PANX2: variants seen among roughly 807,000 people sequenced by gnomAD.
PANX2 encodes pannexin 2.
In PANX2, 30 loss-of-function variants were observed where a neutral mutation model predicts 38.7. The observed-to-expected ratio is 0.78, with a 90% confidence interval of 0.58 to 1.05. The LOEUF (loss-of-function observed/expected upper bound fraction) is 1.05. Ranked by LOEUF, PANX2 falls within the 50% of genes least tolerant of loss-of-function variation. The pLI is 0.00. For synonymous variants in PANX2, 539 were observed against 472.1 expected (o/e 1.14, Z -1.84); for missense variants, 880 against 979.3 (o/e 0.90, Z 1.35).
At position 50,177,477 on chromosome 22, in the gene PANX2, C is replaced by G; in HGVS notation, c.765C>G (p.Asn255Lys). ...CCTACTACGCCACGCAGAAGCAGAA[C>G]GAGTTCACCTGCGCGCTGGGCGCGT... is the stretch of plus-strand genomic sequence containing the variant. ...LCTYYATQKQ[N>K]EFTCALGASP... The change falls in exon 2 of 3, where the codon AAC becomes AAG. Residue 255 changes from asparagine (N) to lysine (K), a missense_variant. Around this residue, in one of 4 missense-constraint regions of PANX2, gnomAD observed 114 missense variants for 108.8 expected, o/e 1.05. Coordinates refer to ENST00000395842, the MANE Select transcript of PANX2 (RefSeq NM_052839.4). 1 of 1,609,128 alleles carries G rather than the reference C, an allele frequency of 6.2e-7. No homozygotes were observed. Among genetic ancestry groups the G allele is most frequent in the South Asian group, 1.1e-5 (1 of 90,688 alleles).
At position 50,179,465 on chromosome 22, in the gene PANX2, G is replaced by A. The variant is rs906827685; in HGVS notation, c.*188G>A. 6.9e-6 allele frequency: 4 copies of A among 582,494 alleles called. No homozygotes were observed. Among genetic ancestry groups the A allele is most frequent in the South Asian group, 2.1e-5 (1 of 47,636 alleles). 36.1% of individuals were successfully genotyped at this position (582,494 alleles called of 1,614,324 possible). A position where few individuals can be genotyped will look rare whatever the true frequency, so the allele number is the denominator to read the frequency against. ...GCTCGACAGGGGAACCCGCCCGGAC[G>A]GCATCGCCAGGCACTGGCTGGGGTG... On this transcript the variant is annotated 3_prime_UTR_variant, in exon 3 of 3. Coordinates refer to ENST00000395842, the MANE Select transcript of PANX2 (RefSeq NM_052839.4).
intron 1 of PANX2, among the ~76,000 whole-genome samples, chr22:50,172,516 G>C (rs184396327): frequency 6.8e-6 from 1 of 146,560 alleles, no homozygotes; most frequent in African/African-American, 2.5e-5. Context: ...TCCACCTCTC[G>C]GGCTCAGGTG....
chr22:50,174,659 C>G (rs2063652630), intron 1 of PANX2, among the ~76,000 whole-genome samples: 1 of 152,226 alleles, frequency 6.6e-6, no homozygotes, highest in Admixed American at 6.5e-5. Flanking sequence ...GGCCTTCCTG[C>G]CTTCCGTTTG....
intron 2 of PANX2, 21 bp downstream of exon 2, chr22:50,178,423 A>AGGGGACG: frequency 8.2e-7 from 1 of 1,226,396 alleles, no homozygotes. Flanking sequence ...GGCCGGAGAG[A>AGGGGACG]GGGGACGGGG....
chr22:50,179,800 C>A lies in PANX2; in HGVS notation c.*523C>A. ...CTCGGGTGGGAGGGACCGAGGTCCACCCTCGGGTCAAAGGTCAACGTGCAC... is the reference window on the plus strand; with the variant it reads ...CTCGGGTGGGAGGGACCGAGGTCCAACCTCGGGTCAAAGGTCAACGTGCAC... On this transcript the variant is annotated 3_prime_UTR_variant, in exon 3 of 3. Transcript: ENST00000395842. The A allele has an allele frequency of 6.3e-6, 1 of 157,910 alleles. No individual in the cohort carries two copies. 9.8% of individuals were successfully genotyped at this position (157,910 alleles called of 1,614,324 possible). A position where few individuals can be genotyped will look rare whatever the true frequency, so the allele number is the denominator to read the frequency against.
In PANX2 at chr22:50,179,568, C is replaced by A; in HGVS notation, c.*291C>A. 1 of 454,912 alleles carries A rather than the reference C, an allele frequency of 2.2e-6. No individual in the cohort carries two copies. The highest frequency in any genetic ancestry group is 2.8e-5 in the South Asian group (1 of 35,870). 28.2% of individuals were successfully genotyped at this position (454,912 alleles called of 1,614,324 possible). A position where few individuals can be genotyped will look rare whatever the true frequency, so the allele number is the denominator to read the frequency against. On this transcript the variant is annotated 3_prime_UTR_variant, in exon 3 of 3. Coordinates refer to ENST00000395842, the MANE Select transcript of PANX2 (RefSeq NM_052839.4). ...CATGCTCCTGCATCAGGTGCCCAGC[C>A]GTGGGTGGGGGCCCTGAGGTGAAGA...
Position 50,179,189 on chromosome 22 carries a change from G to A in PANX2, c.1946G>A (p.Gly649Glu), listed in dbSNP as rs147802589. ...GGCCCCCGCCTGCCGCAGGACGTGG[G>A]GGACCTCATCGCCATCCCTGCCCCA... is the stretch of plus-strand genomic sequence containing the variant. ...DGGPRLPQDV[G>E]DLIAIPAPQQ... Residue 649 changes from glycine (G) to glutamate (E), a missense_variant, in exon 3 of 3, where the codon GGG becomes GAG. By Grantham distance (98) the Gly-to-Glu change is moderately conservative. This residue lies in a region of PANX2 where 445 missense variants were observed against 404.3 expected (regional missense o/e 1.10). Coordinates refer to ENST00000395842, the MANE Select transcript of PANX2 (RefSeq NM_052839.4). 15 of 1,612,718 alleles carry A rather than the reference G, an allele frequency of 9.3e-6. No homozygotes were observed. The highest frequency in any genetic ancestry group is 1.7e-5 in the Admixed American group (1 of 60,014).
In PANX2 at chr22:50,179,740, T is replaced by C. The variant is rs1158690263; in HGVS notation, c.*463T>C. ...GGGTGGCCACGCCCATGGGGTCACA[T>C]GCTCAGGGGTCACCCCCTGCAGGGA... On this transcript the variant is annotated 3_prime_UTR_variant, in exon 3 of 3. Transcript: ENST00000395842. The C allele has an allele frequency of 5.9e-6, 1 of 169,716 alleles. No individual in the cohort carries two copies. The highest frequency in any genetic ancestry group is 1.3e-5 in the Non-Finnish European group (1 of 78,140). 10.5% of individuals were successfully genotyped at this position (169,716 alleles called of 1,614,324 possible).
At chr22:50,172,474 C>G (rs2063637589) in intron 1 of PANX2, among the ~76,000 whole-genome samples, 1 of 152,146 alleles carries the variant, frequency 6.6e-6, no homozygotes, top group Non-Finnish European at 1.5e-5. Context: ...GTATGTCGCC[C>G]AGGCTGGAGT....
At position 50,179,249 on chromosome 22, in the gene PANX2, G is replaced by C; in HGVS notation, c.2006G>C (p.Arg669Thr). The C allele has an allele frequency of 6.2e-7, 1 of 1,612,664 alleles. No homozygotes were observed. Among genetic ancestry groups the C allele is most frequent in the Non-Finnish European group, 8.5e-7 (1 of 1,179,858 alleles). The change falls in exon 3 of 3, where the codon AGA (arginine) becomes ACA (threonine). Residue 669 changes from arginine (R) to threonine (T), a missense_variant. Physicochemically the swap from Arg to Thr is moderately conservative, Grantham distance 71. Transcript: ENST00000395842. ...QILIATFDEPRTVVSTVEF is the reference protein window; with the variant it reads ...QILIATFDEPTTVVSTVEF ...CTCATCGCCACCTTCGACGAGCCGA[G>C]AACGGTCGTGAGTACTGTGGAGTTT... is the stretch of plus-strand genomic sequence containing the variant.
intron 1 of PANX2, among the ~76,000 whole-genome samples, chr22:50,174,368 T>A (rs964500910): frequency 6.6e-6 from 1 of 152,146 alleles, no homozygotes; most frequent in African/African-American, 2.4e-5. Context: ...GGGGCTGGGC[T>A]TTAGCCTCGG....
In PANX2 at chr22:50,177,472, CA is replaced by C. The variant is rs2063668705; in HGVS notation, c.761del (p.Gln254ArgfsTer24). On this transcript the variant is annotated frameshift_variant, in exon 2 of 3. Coordinates refer to ENST00000395842, the MANE Select transcript of PANX2 (RefSeq NM_052839.4). LOFTEE classifies it high-confidence loss of function. The stretch of plus-strand genomic sequence containing the variant: ...GTGCACCTACTACGCCACGCAGAAG[CA>C]GAACGAGTTCACCTGCGCGCTGGGC... ...YLCTYYATQK[Q>X]NEFTCALGAS... The C allele has an allele frequency of 2.5e-6, 4 of 1,609,122 alleles. No homozygotes were observed. The highest frequency in any genetic ancestry group is 1.3e-5 in the African/African-American group (1 of 74,976).
chr22:50,175,386 C>T, intron 1 of PANX2: 3 of 1,112,198 alleles, frequency 2.7e-6, no homozygotes, highest in South Asian at 2.8e-5. Flanking sequence ...CAGGGATGGG[C>T]CCAGCTCAGG....
chr22:50,177,739 G>C lies in PANX2; in HGVS notation c.1027G>C (p.Asp343His). The change falls in exon 2 of 3, where the codon GAC (aspartate) becomes CAC (histidine). Residue 343 changes from aspartate (D) to histidine (H), a missense_variant. Asp to His is a moderately conservative substitution (Grantham distance 81). Transcript: ENST00000395842. ...RRQWRRSQFC[D>H]INILAMFCNE... The stretch of plus-strand genomic sequence containing the variant: ...GCAGTGGCGCCGCTCGCAGTTCTGC[G>C]ACATCAACATCCTGGCCATGTTCTG... 3 of 1,609,598 alleles carry C rather than the reference G, an allele frequency of 1.9e-6. No homozygotes were observed. Among genetic ancestry groups the C allele is most frequent in the Non-Finnish European group, 2.5e-6 (3 of 1,179,630 alleles).
rs778473469 is a variant in PANX2, at chr22:50,178,946, C to T, written c.1703C>T (p.Pro568Leu). ...TGGCTGTTTGCAGATGCTCCGCTCC[C>T]CGAGAAGGAAATCCCGTACCCCACA... ...APAPIKDAPL[P>L]EKEIPYPTEP... The change falls in exon 3 of 3, where the codon CCC becomes CTC. Residue 568 changes from proline (P) to leucine (L), a missense_variant. By Grantham distance (98) the Pro-to-Leu change is moderately conservative (BLOSUM62 -3). Around this residue, in one of 4 missense-constraint regions of PANX2, gnomAD observed 445 missense variants for 404.3 expected, o/e 1.10. Transcript: ENST00000395842. The T allele has an allele frequency of 1.9e-6, 3 of 1,575,204 alleles. No individual in the cohort carries two copies. Among genetic ancestry groups the T allele is most frequent in the South Asian group, 2.3e-5 (2 of 88,398 alleles).
chr22:50,179,672 C>G lies in PANX2; in HGVS notation c.*395C>G. The G allele has an allele frequency of 4.8e-6, 1 of 206,620 alleles. No homozygotes were observed. Among genetic ancestry groups the G allele is most frequent in the Non-Finnish European group, 9.9e-6 (1 of 100,642 alleles). The allele number at this position is 206,620 out of a possible 1,614,324, so 12.8% of individuals were successfully genotyped here. Reference sequence around the variant, plus strand: ...AACTCCCCCAGCCCAGCTCCCCCAGCCCAGAGCCAGGGAAGAGGAAGGTGG... The same window carrying G: ...AACTCCCCCAGCCCAGCTCCCCCAGGCCAGAGCCAGGGAAGAGGAAGGTGG... On this transcript the variant is annotated 3_prime_UTR_variant, in exon 3 of 3. Transcript: ENST00000395842.
rs769182378 is a variant in PANX2 at position 50,177,435 on chromosome 22, C to T, written c.723C>T (p.Pro241=). ...HVLILLLSAV[P]ISYLCTYYAT... ...TGATCCTGCTGCTGAGCGCCGTGCC[C>T]ATCTCCTACCTGTGCACCTACTACG... The change falls in exon 2 of 3, where the codon CCC becomes CCT. Residue 241 remains proline (P), a synonymous_variant. Coordinates refer to ENST00000395842, the MANE Select transcript of PANX2 (RefSeq NM_052839.4). The T allele has an allele frequency of 6.2e-7, 1 of 1,608,742 alleles. No homozygotes were observed. The highest frequency in any genetic ancestry group is 2.2e-5 in the East Asian group (1 of 44,598).
At position 50,179,194 on chromosome 22, in the gene PANX2, C is replaced by T. The variant is rs752115316; in HGVS notation, c.1951C>T (p.Leu651Phe). ...GPRLPQDVGDLIAIPAPQQIL... is the reference protein window; with the variant it reads ...GPRLPQDVGDFIAIPAPQQIL... ...CCGCCTGCCGCAGGACGTGGGGGAC[C>T]TCATCGCCATCCCTGCCCCACAGCA... Residue 651 changes from leucine (L) to phenylalanine (F), a missense_variant, in exon 3 of 3, where the codon CTC (leucine) becomes TTC (phenylalanine). Physicochemically the swap from Leu to Phe is conservative, Grantham distance 22. Around this residue, in one of 4 missense-constraint regions of PANX2, gnomAD observed 445 missense variants for 404.3 expected, o/e 1.10. Coordinates refer to ENST00000395842, the MANE Select transcript of PANX2 (RefSeq NM_052839.4). 5.6e-6 allele frequency: 9 copies of T among 1,612,604 alleles called. No individual in the cohort carries two copies. Among genetic ancestry groups the T allele is most frequent in the Non-Finnish European group, 7.6e-6 (9 of 1,179,922 alleles).
intron 1 of PANX2, among the ~76,000 whole-genome samples, chr22:50,172,192 A>G (rs969811674): frequency 1.3e-5 from 2 of 152,184 alleles, no homozygotes; most frequent in African/African-American, 4.8e-5. Flanking sequence ...TGTAGCAACC[A>G]AGTACCGCAA....
Sources: allele counts gnomAD v4.1 joint callset (sites outside exome capture counted in the v4.1 genomes callset), GRCh38; gene constraint gnomAD v4.1.1; regional missense constraint gnomAD v4.1.1; transcripts MANE v1.5; gene names NCBI Gene and HGNC (gene_info 2026-07-23, HGNC 2026-07-21).